The following GOLIM4 variants were observed in gnomAD, a reference collection of about 807,000 sequenced individuals.
GOLIM4 encodes golgi integral membrane protein 4.
A neutral mutation model predicts 107.4 loss-of-function variants in GOLIM4; 71 were observed. The observed-to-expected ratio is 0.66, with a 90% CI of 0.55 to 0.81. GOLIM4 has a LOEUF of 0.81. Ranked by LOEUF, GOLIM4 falls within the 30% of genes least tolerant of loss-of-function variation. The pLI is 0.00. For missense variants in GOLIM4, 830 were observed against 826.1 expected, an observed-to-expected ratio of 1.00 and a Z score of -0.06; for synonymous variants, 327 against 294.8, an observed-to-expected ratio of 1.11 and a Z score of -1.12.
At chr3:168,044,329 T>C (rs1031748673) in intron 4 of GOLIM4, among the ~76,000 whole-genome samples, 6 of 152,200 alleles carry the variant, frequency 3.9e-5, no homozygotes, top group Admixed American at 3.9e-4. Flanking sequence ...ACAGAAACAA[T>C]GATCCTCTTC....
At chr3:168,021,591 G>T (rs1326293795) in intron 14 of GOLIM4, among the ~76,000 whole-genome samples, 2 of 151,968 alleles carry the variant, frequency 1.3e-5, no homozygotes, top group Non-Finnish European at 1.5e-5. Context: ...GCTTGAACCC[G>T]GAAGGCGGAG....
chr3:168,060,294 T>C (rs1720190331), intron 1 of GOLIM4, among the ~76,000 whole-genome samples: 1 of 152,066 alleles, frequency 6.6e-6, no homozygotes, highest in African/African-American at 2.4e-5. Context: ...TCAGACTGCA[T>C]GGGTACAAGA....
chr3:168,040,974 G>A, intron 6 of GOLIM4, 105 bp from the exon 7 acceptor site: 1 of 728,990 alleles, frequency 1.4e-6, no homozygotes, highest in Non-Finnish European at 2.4e-6. Flanking sequence ...TTGTTTATTT[G>A]TTGTTGTAGC....
At position 168,033,504 on chromosome 3, in the gene GOLIM4, G is replaced by A. The variant is rs574555803; in HGVS notation, c.844-652C>T. Among the ~76,000 whole-genome samples the A allele has an allele frequency of 4.0e-5, 6 of 150,624 alleles. No individual in the cohort carries two copies. The South Asian group carries it at 1.0e-3, about 26-fold the overall frequency. ...CGCCTGTAGTCCCAGCTACGCGGGA[G>A]GCTGAGGCAGGAGAATGGCGTGAAC... On this transcript the variant is annotated intron_variant, in intron 8 of 15. Coordinates refer to ENST00000470487, the MANE Select transcript of GOLIM4 (RefSeq NM_014498.5).
At chr3:168,076,265 T>A (rs996588711) in intron 1 of GOLIM4, among the ~76,000 whole-genome samples, 3 of 152,236 alleles carry the variant, frequency 2.0e-5, no homozygotes, top group African/African-American at 7.2e-5. Context: ...AGTAAAGCAT[T>A]ACATATGTTC....
rs144680891 is a variant in GOLIM4, at chr3:168,024,565, GTCC to G, written c.1818_1820del (p.Glu606del). The G allele has an allele frequency of 0.016, 25,745 of 1,613,064 alleles. 260 individuals are homozygous for G. The highest frequency in any genetic ancestry group is 0.018 in the Non-Finnish European group (21,807 of 1,179,138). On this transcript the variant is annotated inframe_deletion, in exon 14 of 16. Transcript: ENST00000470487. The stretch of plus-strand genomic sequence containing the variant: ...CTTCCTGGTACTGTTCATCAACATT[GTCC>G]TCCTGCTGGTCTGGATTTCCTGCCA...
intron 1 of GOLIM4, among the ~76,000 whole-genome samples, chr3:168,064,089 T>A (rs1348534220): frequency 6.6e-6 from 1 of 152,198 alleles, no homozygotes; most frequent in Non-Finnish European, 1.5e-5. Flanking sequence ...GCATTTGCCT[T>A]CACCATGGTC....
intron 14 of GOLIM4, among the ~76,000 whole-genome samples, chr3:168,020,056 C>T (rs1051379104): frequency 6.6e-6 from 1 of 152,172 alleles, no homozygotes; most frequent in Non-Finnish European, 1.5e-5. Context: ...GCATGGTACA[C>T]TTAATTACGG....
At chr3:168,018,841 G>A (rs1371098447) in intron 14 of GOLIM4, among the ~76,000 whole-genome samples, 1 of 152,120 alleles carries the variant, frequency 6.6e-6, no homozygotes, top group African/African-American at 2.4e-5. Context: ...GGAAAAAACA[G>A]CCTTGAGTCT....
chr3:168,033,135 A>G (rs1718433245), intron 8 of GOLIM4, among the ~76,000 whole-genome samples: 1 of 152,226 alleles, frequency 6.6e-6, no homozygotes, highest in South Asian at 2.1e-4. Flanking sequence ...GAAGTACTCT[A>G]ATTCCTATTT....
intron 14 of GOLIM4, among the ~76,000 whole-genome samples, chr3:168,022,489 T>G (rs924448731): frequency 6.6e-6 from 1 of 152,206 alleles, no homozygotes; most frequent in South Asian, 2.1e-4. Flanking sequence ...TTTTCTCATT[T>G]TGCCATAGTC....
In GOLIM4 at chr3:168,095,267, A is replaced by G. The variant is rs767817526; in HGVS notation, c.19T>C (p.Ser7Pro). The G allele has an allele frequency of 1.2e-6, 2 of 1,612,784 alleles. No homozygotes were observed. The highest frequency in any genetic ancestry group is 8.5e-7 in the Non-Finnish European group (1 of 1,179,922). The change falls in exon 1 of 16, where the codon TCC becomes CCC. Residue 7 changes from serine to proline, a missense_variant. Coordinates refer to ENST00000470487, the MANE Select transcript of GOLIM4 (RefSeq NM_014498.5). The stretch of plus-strand genomic sequence containing the variant: ...TGGAAAATCCGCTTCTGCTTTCGGG[A>G]GCACATCCCGTTTCCCATAGTCCCG... MGNGMCSRKQKRIFQTL... is the reference protein window; with the variant it reads MGNGMCPRKQKRIFQTL...
intron 1 of GOLIM4, among the ~76,000 whole-genome samples, chr3:168,078,526 A>G (rs1410478380): frequency 6.6e-6 from 1 of 152,182 alleles, no homozygotes; most frequent in East Asian, 1.9e-4. Context: ...ATTTTAACTT[A>G]GAAACACTTT....
rs147598302 is a variant in GOLIM4, at chr3:168,018,291, G to A, written c.1860+6235C>T. 2.5e-3 allele frequency among the ~76,000 whole-genome samples: 375 copies of A among 152,182 alleles called. 3 individuals carry two copies. The highest frequency in any genetic ancestry group is 8.0e-3 in the African/African-American group (332 of 41,524). ...CTATAATTCAGAAGAAACAAATTAC[G>A]TGCTGCCTGAAGGTGTACAGCCCAG... On this transcript the variant is annotated intron_variant, in intron 14 of 15. Coordinates refer to ENST00000470487, the MANE Select transcript of GOLIM4 (RefSeq NM_014498.5).
At chr3:168,055,579 A>G (rs1351185218) in intron 1 of GOLIM4, among the ~76,000 whole-genome samples, 1 of 152,032 alleles carries the variant, frequency 6.6e-6, no homozygotes, top group Non-Finnish European at 1.5e-5. Context: ...TGGAGGGATC[A>G]TGAGGTCAGG....
chr3:168,076,635 G>A (rs977405991), intron 1 of GOLIM4, among the ~76,000 whole-genome samples: 1 of 152,162 alleles, frequency 6.6e-6, no homozygotes, highest in Non-Finnish European at 1.5e-5. Flanking sequence ...AGGTTGCAGT[G>A]AGCCAAGATT....
chr3:168,058,708 T>C (rs544307238), intron 1 of GOLIM4, among the ~76,000 whole-genome samples: 2 of 152,298 alleles, frequency 1.3e-5, no homozygotes, highest in East Asian at 3.9e-4. Context: ...AAACAGAATC[T>C]CTTTGAGAGC....
At chr3:168,085,463 G>T (rs1721573711) in intron 1 of GOLIM4, among the ~76,000 whole-genome samples, 1 of 152,128 alleles carries the variant, frequency 6.6e-6, no homozygotes, top group Non-Finnish European at 1.5e-5. Context: ...GTGGCTTTTG[G>T]CTAATGGAGA....
chr3:168,092,745 G>A (rs556345997), intron 1 of GOLIM4, among the ~76,000 whole-genome samples: 4 of 152,088 alleles, frequency 2.6e-5, no homozygotes, highest in Non-Finnish European at 5.9e-5. Context: ...TCTTGGAAAA[G>A]GGAAGCAAAA....
Sources: gnomAD v4.1 joint callset for allele counts (sites outside exome capture counted in the v4.1 genomes callset) on GRCh38, gnomAD v4.1.1 for gene constraint, MANE v1.5 for transcripts, NCBI Gene and HGNC (gene_info 2026-07-23, HGNC 2026-07-21) for gene names.